The following PRPS2 variants were observed in gnomAD, a reference collection of about 807,000 sequenced individuals.
PRPS2 encodes phosphoribosyl pyrophosphate synthetase 2, also known as ribose-phosphate pyrophosphokinase 2.
For synonymous variants in PRPS2, 111 were observed against 115.3 expected (o/e 0.96, Z 0.24); for missense variants, 104 against 271.5 (o/e 0.38, Z 4.34).
At chrX:12,817,137 G>A (rs1470855708) in intron 4 of PRPS2, among the ~76,000 whole-genome samples, 1 of 110,375 alleles carries the variant, frequency 9.1e-6, no homozygotes, top group African/African-American at 3.3e-5. Context: ...GGAAACAGTT[G>A]TCAGAAGACA....
chrX:12,803,683 TCA>T (rs1316094262), intron 2 of PRPS2, among the ~76,000 whole-genome samples: 22 of 112,492 alleles, frequency 2.0e-4, no homozygotes, highest in African/African-American at 6.8e-4. Context: ...CTCAATGTCA[TCA>T]CATCTGCAGA....
At position 12,821,132 on chromosome X, in the gene PRPS2, C is replaced by T. The variant is rs1401853540; in HGVS notation, c.864+329C>T. ...GGTATATGCCCCCCAAATTTGGAAA[C>T]ATATTCAAACAGAAACTTGTACAGA... On this transcript the variant is annotated intron_variant, in intron 6 of 6. Coordinates refer to ENST00000380668, the MANE Select transcript of PRPS2 (RefSeq NM_002765.5). Among the ~76,000 whole-genome samples the T allele has an allele frequency of 2.7e-5, 3 of 112,147 alleles. No individual in the cohort carries two copies. The Admixed American group carries it at 2.8e-4, about 11-fold the overall frequency.
At chrX:12,806,780 T>C (rs188038695) in intron 2 of PRPS2, among the ~76,000 whole-genome samples, 152 of 112,391 alleles carry the variant, frequency 1.4e-3, no homozygotes, top group African/African-American at 4.8e-3. Context: ...CACTGGGTAA[T>C]TTATAAAGAA....
chrX:12,808,614 A>G (rs1330062020), intron 2 of PRPS2, among the ~76,000 whole-genome samples: 1 of 112,394 alleles, frequency 8.9e-6, no homozygotes, highest in Non-Finnish European at 1.9e-5. Context: ...CCCTTACAGT[A>G]TTCATTCTTT....
intron 4 of PRPS2, chrX:12,810,349 C>G (rs1221105099): frequency 8.9e-6 from 4 of 449,699 alleles, no homozygotes; most frequent in East Asian, 3.8e-5. Flanking sequence ...GAAGAAAATA[C>G]AGAGACACAC....
At chrX:12,814,356 T>G (rs1397162151) in intron 4 of PRPS2, among the ~76,000 whole-genome samples, 4 of 111,815 alleles carry the variant, frequency 3.6e-5, no homozygotes, top group Non-Finnish European at 7.5e-5. Context: ...TTTCAGAATT[T>G]TTGTCACCTC....
At chrX:12,810,410 TGTTTGAG>T (rs2042617803) in intron 4 of PRPS2, 1 of 300,618 alleles carries the variant, frequency 3.3e-6, no homozygotes, top group South Asian at 2.1e-4. Context: ...AGGGTAGATG[TGTTTGAG>T]GTTTTTTTAA....
intron 1 of PRPS2, among the ~76,000 whole-genome samples, chrX:12,795,632 C>T (rs2042539371): frequency 9.0e-6 from 1 of 111,511 alleles, no homozygotes; most frequent in Admixed American, 9.5e-5. Flanking sequence ...GCCAAATTTG[C>T]TAATATAATA....
At chrX:12,813,260 C>G (rs756997018) in intron 4 of PRPS2, among the ~76,000 whole-genome samples, 1 of 112,341 alleles carries the variant, frequency 8.9e-6, no homozygotes, top group South Asian at 3.7e-4. Context: ...ATTCCATAGT[C>G]GTGTTGTGCA....
intron 1 of PRPS2, among the ~76,000 whole-genome samples, chrX:12,792,605 T>G (rs897954614): frequency 8.9e-6 from 1 of 112,133 alleles, no homozygotes; most frequent in Admixed American, 9.4e-5. Flanking sequence ...TCTAGTACCG[T>G]TAACTGTCCA....
intron 2 of PRPS2, among the ~76,000 whole-genome samples, chrX:12,804,899 T>C (rs2042586411): frequency 9.0e-6 from 1 of 110,866 alleles, no homozygotes; most frequent in South Asian, 3.9e-4. Context: ...GTATTACCTA[T>C]GACATCTAAT....
intron 4 of PRPS2, among the ~76,000 whole-genome samples, chrX:12,812,968 A>G (rs2042631276): frequency 8.9e-6 from 1 of 112,014 alleles, no homozygotes; most frequent in African/African-American, 3.3e-5. Flanking sequence ...TACTCAGCCC[A>G]AAGAATAGTA....
intron 4 of PRPS2, among the ~76,000 whole-genome samples, chrX:12,818,033 T>C (rs1162453828): frequency 9.0e-6 from 1 of 111,129 alleles, no homozygotes; most frequent in African/African-American, 3.3e-5. Flanking sequence ...TTAAAATGGC[T>C]CCAAGGATAA....
intron 1 of PRPS2, among the ~76,000 whole-genome samples, chrX:12,794,462 T>C (rs1271296384): frequency 8.9e-6 from 1 of 112,111 alleles, no homozygotes; most frequent in Non-Finnish European, 1.9e-5. Context: ...TCATATGCTG[T>C]TGGGCAAGTA....
At chrX:12,821,752 A>T (rs2042677421) in intron 6 of PRPS2, among the ~76,000 whole-genome samples, 2 of 112,455 alleles carry the variant, frequency 1.8e-5, no homozygotes, top group Admixed American at 1.9e-4. Flanking sequence ...CAGCAGGCTG[A>T]GCTGAGGATC....
chrX:12,800,905 G>A (rs1461028298), intron 2 of PRPS2, among the ~76,000 whole-genome samples: 1 of 111,306 alleles, frequency 9.0e-6, no homozygotes, highest in Non-Finnish European at 1.9e-5. Flanking sequence ...TCTGTAAATG[G>A]CTATATGGTC....
At chrX:12,799,534 G>A in intron 2 of PRPS2, 144 bp downstream of exon 2, 1 of 702,080 alleles carries the variant, frequency 1.4e-6, no homozygotes, top group African/African-American at 2.2e-5. Context: ...TATTTTGTTT[G>A]TTGAAGATTT....
At chrX:12,810,750 C>T (rs1235006307) in intron 4 of PRPS2, among the ~76,000 whole-genome samples, 1 of 109,221 alleles carries the variant, frequency 9.2e-6, no homozygotes, top group Admixed American at 9.8e-5. Flanking sequence ...CTTGGGAAGC[C>T]GAGGCGGGAG....
rs199929460 is a variant in PRPS2, at chrX:12,799,339, A to G, written c.255A>G (p.Val85=). Residue 85 remains valine (V), a synonymous_variant, in exon 2 of 7, where the codon GTA becomes GTG. Coordinates refer to ENST00000380668, the MANE Select transcript of PRPS2 (RefSeq NM_002765.5). ...NACKIASSSR[V]TAVIPCFPYA... ...GCAAGATTGCGTCATCATCCAGAGT[A>G]ACTGCCGTGATCCCGTGTTTCCCAT... 3.4e-5 allele frequency: 41 copies of G among 1,209,554 alleles called. No homozygotes were observed. The highest frequency in any genetic ancestry group is 4.5e-5 in the Non-Finnish European group (40 of 895,166).
Sources: gnomAD v4.1 joint callset for allele counts (sites outside exome capture counted in the v4.1 genomes callset) on GRCh38, gnomAD v4.1.1 for gene constraint, MANE v1.5 for transcripts, NCBI Gene and HGNC (gene_info 2026-07-23, HGNC 2026-07-21) for gene names.